Variants in UBXN7 observed in about 807,000 individuals in gnomAD.
The protein encoded by UBXN7 is UBX domain protein 7.
Under a neutral mutation model 58.0 loss-of-function variants are expected in UBXN7, and 9 were observed. That is an observed-to-expected ratio of 0.16 (90% CI 0.09 to 0.27). The LOEUF (loss-of-function observed/expected upper bound fraction) is 0.27, where lower values mean the gene tolerates loss of function less well. Ranked by LOEUF, UBXN7 falls within the 10% of genes least tolerant of loss-of-function variation. The pLI is 1.00. For synonymous variants in UBXN7, 208 were observed against 205.0 expected (o/e 1.01, Z -0.12); for missense variants, 328 against 599.6 (o/e 0.55, Z 4.73).
intron 3 of UBXN7, among the ~76,000 whole-genome samples, chr3:196,401,312 CACACACACAT>C (rs1434101964): frequency 7.2e-5 from 8 of 110,890 alleles, no homozygotes; most frequent in Non-Finnish European, 1.2e-4. Context: ...CACACACACA[CACACACACAT>C]ATATATATAT....
chr3:196,416,182 A>G (rs1268110066), intron 1 of UBXN7: 1 of 152,278 alleles, frequency 6.6e-6, no homozygotes, highest in African/African-American at 2.4e-5. Context: ...TCACGCCTGT[A>G]ATCCCAGCAC....
chr3:196,355,147 C>A lies in UBXN7; in HGVS notation c.*1538G>T, dbSNP rs926151009. ...GTAGATGAAAACCTAAAGGTCTCTA[C>A]GCAACATCTGAGGAACATACGCTCC... On this transcript the variant is annotated 3_prime_UTR_variant, in exon 11 of 11. Transcript: ENST00000296328. The A allele has an allele frequency of 5.3e-5, 8 of 152,084 alleles. No individual in the cohort carries two copies. The allele number at this position is 152,084 out of a possible 1,614,324, so 9.4% of individuals were successfully genotyped here.
At chr3:196,372,184 A>C in intron 5 of UBXN7, 142 bp from the exon 6 acceptor site, 1 of 858,580 alleles carries the variant, frequency 1.2e-6, no homozygotes, top group Non-Finnish European at 1.7e-6. Context: ...CAGCATTTAT[A>C]CATTCTATAT....
chr3:196,399,656 T>C (rs1729896683), intron 3 of UBXN7, among the ~76,000 whole-genome samples: 1 of 152,186 alleles, frequency 6.6e-6, no homozygotes, highest in Non-Finnish European at 1.5e-5. Context: ...TCTGGGCTAC[T>C]CTCCAACTCC....
intron 2 of UBXN7, among the ~76,000 whole-genome samples, chr3:196,404,226 T>C (rs1730084774): frequency 6.6e-6 from 1 of 151,956 alleles, no homozygotes; most frequent in African/African-American, 2.4e-5. Context: ...TATATAAGCA[T>C]GCAAATTCCA....
chr3:196,393,745 C>G lies in UBXN7; in HGVS notation c.290-126G>C, dbSNP rs532048185. Reference sequence around the variant, plus strand: ...AACCCTTCACGAACTGCATGTCACCCTTGCACAGGGGCCGTGCTAATCTCT... The same window carrying G: ...AACCCTTCACGAACTGCATGTCACCGTTGCACAGGGGCCGTGCTAATCTCT... On this transcript the variant is annotated intron_variant, in intron 3 of 10. Transcript: ENST00000296328. 149 of 832,332 alleles carry G rather than the reference C, an allele frequency of 1.8e-4. 2 individuals carry two copies. The highest frequency in any genetic ancestry group is 1.7e-3 in the South Asian group (92 of 55,172). The allele number at this position is 832,332 out of a possible 1,614,324, so 51.6% of individuals were successfully genotyped here.
intron 5 of UBXN7, among the ~76,000 whole-genome samples, chr3:196,373,635 T>C (rs941901168): frequency 2.7e-5 from 4 of 150,618 alleles, no homozygotes; most frequent in Non-Finnish European, 6.0e-5. Context: ...AGACTGAGAA[T>C]ATCTTCTGTT....
intron 6 of UBXN7, 69 bp from the exon 7 acceptor site, chr3:196,369,580 C>CCATAT: frequency 9.2e-7 from 1 of 1,083,646 alleles, no homozygotes; most frequent in Non-Finnish European, 1.4e-6. Flanking sequence ...CCTTCTTATA[C>CCATAT]ACCAACATCA....
chr3:196,393,442 C>T (rs1729645200), intron 4 of UBXN7, 112 bp downstream of exon 4: 1 of 990,884 alleles, frequency 1.0e-6, no homozygotes, highest in Non-Finnish European at 1.5e-6. Flanking sequence ...TCCATAATTT[C>T]ACTTTTTAAA....
chr3:196,353,055 T>A lies in UBXN7; in HGVS notation c.*3630A>T, dbSNP rs1247282244. 2 of 152,194 alleles carry A rather than the reference T, an allele frequency of 1.3e-5. No individual in the cohort carries two copies. Among genetic ancestry groups the A allele is most frequent in the Non-Finnish European group, 2.9e-5 (2 of 68,036 alleles). 9.4% of individuals were successfully genotyped at this position (152,194 alleles called of 1,614,324 possible). The stretch of plus-strand genomic sequence containing the variant: ...AAATAATGGCATAAATAAAAATGTA[T>A]AGGCATAGTGCAAATCCCACAACTT... On this transcript the variant is annotated 3_prime_UTR_variant, in exon 11 of 11. Transcript: ENST00000296328.
At chr3:196,379,802 C>T (rs1232484913) in intron 5 of UBXN7, among the ~76,000 whole-genome samples, 1 of 152,098 alleles carries the variant, frequency 6.6e-6, no homozygotes, top group African/African-American at 2.4e-5. Flanking sequence ...ACCACTTAAC[C>T]AAAGTTAGCC....
intron 3 of UBXN7, among the ~76,000 whole-genome samples, chr3:196,401,120 C>CA (rs1434258864): frequency 6.7e-6 from 1 of 150,226 alleles, no homozygotes. Context: ...AAGTTAAAAA[C>CA]ATTTATCTCG....
intron 1 of UBXN7, 122 bp from the exon 2 acceptor site, chr3:196,407,515 A>C: frequency 7.4e-7 from 1 of 1,353,070 alleles, no homozygotes; most frequent in East Asian, 2.5e-5. Flanking sequence ...AGAATGAATG[A>C]CTTTCTTGTG....
chr3:196,419,897 T>C (rs149322207), intron 1 of UBXN7, among the ~76,000 whole-genome samples: 89 of 152,306 alleles, frequency 5.8e-4, no homozygotes, highest in African/African-American at 2.0e-3. Context: ...ACTTCTGGAA[T>C]GGATAGAACA....
At chr3:196,402,872 AG>A in intron 3 of UBXN7, 79 bp downstream of exon 3, 1 of 1,467,714 alleles carries the variant, frequency 6.8e-7, no homozygotes, top group East Asian at 2.3e-5. Context: ...TCTCCTAGCA[AG>A]CCTTCACATC....
Position 196,432,414 on chromosome 3 carries a change from C to T in UBXN7, c.-15G>A. ...TGGGCAGCCATCTTACCGCCGCCGC[C>T]GCCGCCGAACAACAACACAGACACA... On this transcript the variant is annotated 5_prime_UTR_variant, in exon 1 of 11. Coordinates refer to ENST00000296328, the MANE Select transcript of UBXN7 (RefSeq NM_015562.2). The T allele has an allele frequency of 5.7e-6, 9 of 1,582,112 alleles. No individual in the cohort carries two copies. The highest frequency in any genetic ancestry group is 7.8e-6 in the Non-Finnish European group (9 of 1,160,464).
At chr3:196,432,251 G>A in intron 1 of UBXN7, 76 bp downstream of exon 1, 2 of 1,578,958 alleles carry the variant, frequency 1.3e-6, no homozygotes, top group Non-Finnish European at 1.7e-6. Flanking sequence ...ATGCCTGAAG[G>A]TAAGGGGAAG....
chr3:196,388,089 T>C (rs886685707), intron 5 of UBXN7, among the ~76,000 whole-genome samples: 8 of 151,934 alleles, frequency 5.3e-5, no homozygotes, highest in Non-Finnish European at 1.0e-4. Context: ...GTGGCACATA[T>C]ACAACATGGA....
At chr3:196,388,482 T>TC (rs1205082096) in intron 5 of UBXN7, among the ~76,000 whole-genome samples, 1 of 151,738 alleles carries the variant, frequency 6.6e-6, no homozygotes, top group Admixed American at 6.6e-5. Flanking sequence ...TGTTTTTTTT[T>TC]TTTCCAGTCT....
Sources: gnomAD v4.1 joint callset for allele counts (sites outside exome capture counted in the v4.1 genomes callset) on GRCh38, gnomAD v4.1.1 for gene constraint, MANE v1.5 for transcripts, NCBI Gene and HGNC (gene_info 2026-07-23, HGNC 2026-07-21) for gene names.